MGAM2: variants seen among roughly 807,000 people sequenced by gnomAD.
MGAM2 encodes the protein maltase-glucoamylase 2 (putative).
A neutral mutation model predicts 96.1 loss-of-function variants in MGAM2; 98 were observed. The observed-to-expected ratio is 1.02, with a 90% CI of 0.87 to 1.21. The LOEUF is 1.21. MGAM2 is among the 50% of genes most tolerant of loss of function. The pLI, the probability that MGAM2 is intolerant of heterozygous loss-of-function variation, is 0.00. For missense variants in MGAM2, 2,055 were observed against 1,182.4 expected, an observed-to-expected ratio of 1.74 and a Z score of -10.82; for synonymous variants, 749 against 414.8, an observed-to-expected ratio of 1.81 and a Z score of -9.79.
intron 3 of MGAM2, among the ~76,000 whole-genome samples, chr7:142,121,719 T>C (rs1205763747): frequency 6.6e-6 from 1 of 151,022 alleles, no homozygotes; most frequent in Non-Finnish European, 1.5e-5. Flanking sequence ...ATATTCTATT[T>C]ATTATATAAT....
chr7:142,210,305 T>C (rs1432804443), intron 46 of MGAM2, among the ~76,000 whole-genome samples: 1 of 152,056 alleles, frequency 6.6e-6, no homozygotes, highest in Non-Finnish European at 1.5e-5. Context: ...AGGAGTTTTT[T>C]TTTTTTCATA....
At position 142,167,576 on chromosome 7, in the gene MGAM2, A is replaced by AT. The variant is rs1382375086; in HGVS notation, c.3027+98dup. ...TAGAAGTCATTGAAACAATTAAAACATTTTTTTTCTTTTCAAGACAGGATC... is the reference window on the plus strand; with the variant it reads ...TAGAAGTCATTGAAACAATTAAAACATTTTTTTTTCTTTTCAAGACAGGATC... On this transcript the variant is annotated intron_variant, in intron 26 of 47. Transcript: ENST00000477922. 9.4e-5 allele frequency: 63 copies of AT among 667,104 alleles called. No homozygotes were observed. The Admixed American group carries it at 1.1e-3, about 11-fold the overall frequency. 41.3% of individuals were successfully genotyped at this position (667,104 alleles called of 1,614,324 possible).
At chr7:142,140,181 A>G (rs1054204067) in intron 10 of MGAM2, among the ~76,000 whole-genome samples, 1 of 152,160 alleles carries the variant, frequency 6.6e-6, no homozygotes, top group Non-Finnish European at 1.5e-5. Flanking sequence ...AGCCCTCATC[A>G]GCCCCCCTAC....
At position 142,158,960 on chromosome 7, in the gene MGAM2, C is replaced by A. The variant is rs77462862; in HGVS notation, c.2164-327C>A. On this transcript the variant is annotated intron_variant, in intron 19 of 47. Coordinates refer to ENST00000477922, the MANE Select transcript of MGAM2 (RefSeq NM_001293626.2). ...TCTGATGACAGGTCCTGCTAACCAACCAGTGGCCCTGCTGGGAGGCTTTCC... is the reference window on the plus strand; with the variant it reads ...TCTGATGACAGGTCCTGCTAACCAAACAGTGGCCCTGCTGGGAGGCTTTCC... Among the ~76,000 whole-genome samples the A allele has an allele frequency of 2.8e-3, 432 of 152,274 alleles. 3 individuals are homozygous for A. Among genetic ancestry groups the A allele is most frequent in the African/African-American group, 9.6e-3 (399 of 41,564 alleles).
chr7:142,141,117 GA>G lies in MGAM2; in HGVS notation c.1316del (p.Glu439GlyfsTer41), dbSNP rs1373744957. ...ILGSNGFAVG[E>X]GYPGPTVFPD... ...GGGGAGCAATGGCTTTGCTGTTGGG[GA>G]GGTAATTTCTTAAGAAAATCAAAGT... On this transcript the variant is annotated frameshift_variant and splice_region_variant, in exon 12 of 48. Transcript: ENST00000477922. LOFTEE classifies it high-confidence loss of function. 9 of 698,066 alleles carry G rather than the reference GA, an allele frequency of 1.3e-5. No individual in the cohort carries two copies. The highest frequency in any genetic ancestry group is 2.1e-5 in the Non-Finnish European group (8 of 383,414). 43.2% of individuals were successfully genotyped at this position (698,066 alleles called of 1,614,324 possible). A position where few individuals can be genotyped will look rare whatever the true frequency, so the allele number is the denominator to read the frequency against.
Position 142,138,457 on chromosome 7 carries a change from G to C in MGAM2, c.961-85G>C, listed in dbSNP as rs1000921652. ...ATTCTAGCAGATTACTCTTAGCTCT[G>C]ACGTTTTCAGCTCTGGGAACTTCAC... On this transcript the variant is annotated intron_variant, in intron 9 of 47. Coordinates refer to ENST00000477922, the MANE Select transcript of MGAM2 (RefSeq NM_001293626.2). 5 of 642,866 alleles carry C rather than the reference G, an allele frequency of 7.8e-6. No homozygotes were observed. The African/African-American group carries it at 9.1e-5, about 12-fold the overall frequency. 39.8% of individuals were successfully genotyped at this position (642,866 alleles called of 1,614,324 possible).
intron 30 of MGAM2, 48 bp from the exon 31 acceptor site, chr7:142,173,181 T>C: frequency 1.4e-6 from 1 of 700,962 alleles, no homozygotes; most frequent in South Asian, 1.5e-5. Flanking sequence ...TCAATCACCT[T>C]GTCTTCCCTA....
chr7:142,212,312 C>G (rs1324537012), intron 46 of MGAM2, among the ~76,000 whole-genome samples: 1 of 152,148 alleles, frequency 6.6e-6, no homozygotes, highest in Non-Finnish European at 1.5e-5. Context: ...GCAAAATAAC[C>G]AGCTAGCATC....
rs745620704 is a variant in MGAM2 at position 142,197,720 on chromosome 7, T to C, written c.4858T>C (p.Leu1620=). 18 of 702,892 alleles carry C rather than the reference T, an allele frequency of 2.6e-5. No individual in the cohort carries two copies. The African/African-American group carries it at 2.8e-4, about 11-fold the overall frequency. 43.5% of individuals were successfully genotyped at this position (702,892 alleles called of 1,614,324 possible). A position where few individuals can be genotyped will look rare whatever the true frequency, so the allele number is the denominator to read the frequency against. The change falls in exon 42 of 48, where the codon TTG becomes CTG. Residue 1620 remains leucine, a synonymous_variant. Transcript: ENST00000477922. ...LGPAILISPV[L]ETSTFEISAY... ...CCCTGCTATCTTAATCAGCCCTGTGTTGGAAACTGTGAGTTCTTCATTGTA... is the reference window on the plus strand; with the variant it reads ...CCCTGCTATCTTAATCAGCCCTGTGCTGGAAACTGTGAGTTCTTCATTGTA...
intron 15 of MGAM2, among the ~76,000 whole-genome samples, chr7:142,149,749 G>T (rs942273627): frequency 4.2e-4 from 64 of 151,698 alleles, no homozygotes; most frequent in Non-Finnish European, 2.5e-4. Flanking sequence ...CACAGCGTTA[G>T]CCAGGATGGT....
In MGAM2 at chr7:142,131,613, C is replaced by T. The variant is rs1256118114; in HGVS notation, c.406C>T (p.Arg136Trp). ...LFTAEYQTSN[R>W]FHFKITDFNN... ...CACAGCTGAATATCAGACATCCAAT[C>T]GGTTTCATTTTAAGGTTGGTTTGGG... Residue 136 changes from arginine (R) to tryptophan (W), a missense_variant, in exon 5 of 48, where the codon CGG becomes TGG. Coordinates refer to ENST00000477922, the MANE Select transcript of MGAM2 (RefSeq NM_001293626.2). 21 of 702,976 alleles carry T rather than the reference C, an allele frequency of 3.0e-5. No homozygotes were observed. Among genetic ancestry groups the T allele is most frequent in the Middle Eastern group, 2.3e-4 (1 of 4,390 alleles). The allele number at this position is 702,976 out of a possible 1,614,324, so 43.5% of individuals were successfully genotyped here. A position where few individuals can be genotyped will look rare whatever the true frequency, so the allele number is the denominator to read the frequency against.
intron 14 of MGAM2, among the ~76,000 whole-genome samples, chr7:142,146,754 G>A (rs1363485216): frequency 6.7e-6 from 1 of 149,644 alleles, no homozygotes; most frequent in Non-Finnish European, 1.5e-5. Context: ...TTGAGATGTA[G>A]TCTCGCTCTG....
At chr7:142,147,433 C>A in intron 14 of MGAM2, 23 bp from the exon 15 acceptor site, 1 of 692,072 alleles carries the variant, frequency 1.4e-6, no homozygotes, top group South Asian at 1.5e-5. Flanking sequence ...GGAAGTGCCT[C>A]ACTAATGAGT....
chr7:142,189,559 G>C, intron 37 of MGAM2, 54 bp downstream of exon 37: 1 of 625,834 alleles, frequency 1.6e-6, no homozygotes, highest in South Asian at 1.9e-5. Flanking sequence ...CATTCCTTTT[G>C]CCATTTCATA....
chr7:142,197,770 A>C (rs1175344765), intron 42 of MGAM2, 42 bp downstream of exon 42: 1 of 702,298 alleles, frequency 1.4e-6, no homozygotes, highest in Non-Finnish European at 2.6e-6. Flanking sequence ...CAATCACATG[A>C]TCTAAAATCA....
Position 142,148,234 on chromosome 7 carries a change from T to TCAC in MGAM2, c.1634+671_1634+673dup, listed in dbSNP as rs1198411365. On this transcript the variant is annotated intron_variant, in intron 15 of 47. Coordinates refer to ENST00000477922, the MANE Select transcript of MGAM2 (RefSeq NM_001293626.2). The surrounding 1 kb of genome is among the most constrained non-coding windows in gnomAD (Gnocchi z 4.2). The stretch of plus-strand genomic sequence containing the variant: ...ACCATCACTACCACTACTATCACCA[T>TCAC]CACCACCACCACAGTTATCACCACC... Among the ~76,000 whole-genome samples the TCAC allele has an allele frequency of 1.3e-5, 2 of 151,058 alleles. No homozygotes were observed. Among genetic ancestry groups the TCAC allele is most frequent in the African/African-American group, 4.9e-5 (2 of 40,980 alleles).
rs771071143 is a variant in MGAM2 at position 142,116,898 on chromosome 7, G to C, written c.25G>C (p.Glu9Gln). The change falls in exon 2 of 48, where the codon GAA becomes CAA. Residue 9 changes from glutamate (E) to glutamine (Q), a missense_variant. Physicochemically the swap from Glu to Gln is conservative, Grantham distance 29 (BLOSUM62 2). Coordinates refer to ENST00000477922, the MANE Select transcript of MGAM2 (RefSeq NM_001293626.2). ...GATGGCGAGGAAGCTCAGTGTATTG[G>C]AAGTCCTTCTGATCATCTTCTGCTT... MARKLSVLEVLLIIFCLIV... is the reference protein window; with the variant it reads MARKLSVLQVLLIIFCLIV... 2.8e-6 allele frequency: 2 copies of C among 703,568 alleles called. No homozygotes were observed. Among genetic ancestry groups the C allele is most frequent in the South Asian group, 3.0e-5 (2 of 67,600 alleles). 43.6% of individuals were successfully genotyped at this position (703,568 alleles called of 1,614,324 possible).
intron 36 of MGAM2, among the ~76,000 whole-genome samples, chr7:142,188,724 C>T (rs1463283600): frequency 6.6e-6 from 1 of 152,164 alleles, no homozygotes; most frequent in Admixed American, 6.5e-5. Flanking sequence ...CCCAAATAAC[C>T]ATTCTATTTT....
Position 142,183,129 on chromosome 7 carries a change from T to G in MGAM2, c.3817-137T>G, listed in dbSNP as rs192844792. On this transcript the variant is annotated intron_variant, in intron 32 of 47. Coordinates refer to ENST00000477922, the MANE Select transcript of MGAM2 (RefSeq NM_001293626.2). ...AAGACATAAGGCAAATTATCAATGA[T>G]TTTTATTTTATTTCATTTTATTTTT... 405 of 589,456 alleles carry G rather than the reference T, an allele frequency of 6.9e-4. 3 individuals are homozygous for G. The highest frequency in any genetic ancestry group is 4.8e-3 in the African/African-American group (257 of 53,660). 36.5% of individuals were successfully genotyped at this position (589,456 alleles called of 1,614,324 possible). A position where few individuals can be genotyped will look rare whatever the true frequency, so the allele number is the denominator to read the frequency against.
Sources: allele counts gnomAD v4.1 joint callset (sites outside exome capture counted in the v4.1 genomes callset), GRCh38; gene constraint gnomAD v4.1.1; non-coding constraint Gnocchi (gnomAD v3.1); transcripts MANE v1.5; gene names NCBI Gene and HGNC (gene_info 2026-07-23, HGNC 2026-07-21).